Variants in TMEFF1 observed in about 807,000 individuals in gnomAD.
TMEFF1 encodes tomoregulin-1.
TMEFF1 carries 20 observed loss-of-function variants against 47.5 expected under a neutral mutation model. The observed-to-expected ratio is 0.42, with a 90% CI of 0.30 to 0.61. The LOEUF (loss-of-function observed/expected upper bound fraction) is 0.61. Among genes scored for constraint, TMEFF1 ranks in the 20% least tolerant of loss-of-function variants. The probability of loss-of-function intolerance (pLI) is 0.19; values close to 1 mark genes in which losing one functional copy is unlikely to be tolerated. For missense variants in TMEFF1, 411 were observed against 471.1 expected, an observed-to-expected ratio of 0.87 and a Z score of 1.18; for synonymous variants, 162 against 166.3, an observed-to-expected ratio of 0.97 and a Z score of 0.20.
chr9:100,490,753 G>A (rs888781535), intron 1 of TMEFF1, among the ~76,000 whole-genome samples: 9 of 151,540 alleles, frequency 5.9e-5, no homozygotes, highest in Non-Finnish European at 5.9e-5. Context: ...TTGAAAAGGG[G>A]AGAAATCACT....
intron 5 of TMEFF1, among the ~76,000 whole-genome samples, chr9:100,524,907 C>G (rs1375189124): frequency 1.3e-5 from 2 of 152,150 alleles, no homozygotes; most frequent in African/African-American, 2.4e-5. Context: ...CCACCCCTGG[C>G]AGGCCCCGGT....
intron 5 of TMEFF1, among the ~76,000 whole-genome samples, chr9:100,524,634 A>T (rs1056016430): frequency 6.6e-6 from 1 of 152,116 alleles, no homozygotes; most frequent in Admixed American, 6.5e-5. Flanking sequence ...GTTTACTTAT[A>T]ATCTCCCCAT....
chr9:100,543,703 A>AACT (rs1564023660), intron 5 of TMEFF1, among the ~76,000 whole-genome samples: 44 of 128,642 alleles, frequency 3.4e-4, no homozygotes, highest in African/African-American at 1.3e-3. Context: ...TGATGAAGTA[A>AACT]AACACACACA....
chr9:100,543,648 T>G (rs1838675061), intron 5 of TMEFF1, among the ~76,000 whole-genome samples: 2 of 151,294 alleles, frequency 1.3e-5, no homozygotes, highest in South Asian at 4.2e-4. Flanking sequence ...GGAAGAAGAA[T>G]AATTGTCTTG....
chr9:100,567,366 C>T (rs1179186534), intron 8 of TMEFF1, among the ~76,000 whole-genome samples: 1 of 152,190 alleles, frequency 6.6e-6, no homozygotes, highest in Non-Finnish European at 1.5e-5. Flanking sequence ...TGCAACCCTC[C>T]CTTCCTGCAA....
chr9:100,566,010 C>G (rs1236469407), intron 8 of TMEFF1, among the ~76,000 whole-genome samples: 1 of 152,206 alleles, frequency 6.6e-6, no homozygotes, highest in African/African-American at 2.4e-5. Flanking sequence ...GTGGTCAGTA[C>G]TTAGTCTCAA....
At chr9:100,478,504 A>G (rs1464706651) in intron 1 of TMEFF1, among the ~76,000 whole-genome samples, 1 of 150,682 alleles carries the variant, frequency 6.6e-6, no homozygotes, top group African/African-American at 2.5e-5. Flanking sequence ...TAGTAGAGAC[A>G]GGGCTTCGCC....
chr9:100,513,738 T>C (rs948779156), intron 4 of TMEFF1, among the ~76,000 whole-genome samples: 1 of 152,162 alleles, frequency 6.6e-6, no homozygotes, highest in African/African-American at 2.4e-5. Flanking sequence ...TGATTTTAGC[T>C]TGGACCAGAG....
chr9:100,572,232 T>C (rs868841303), intron 8 of TMEFF1, among the ~76,000 whole-genome samples: 2 of 152,124 alleles, frequency 1.3e-5, no homozygotes, highest in African/African-American at 4.8e-5. Flanking sequence ...TTCTTAGATA[T>C]GACACCAAAA....
At chr9:100,550,309 T>A in intron 7 of TMEFF1, 149 bp downstream of exon 7, 1 of 639,364 alleles carries the variant, frequency 1.6e-6, no homozygotes, top group Non-Finnish European at 2.4e-6. Flanking sequence ...GTATTAATAG[T>A]AACAGAAACA....
At chr9:100,518,125 G>T (rs1838104489) in intron 5 of TMEFF1, among the ~76,000 whole-genome samples, 1 of 152,072 alleles carries the variant, frequency 6.6e-6, no homozygotes, top group Non-Finnish European at 1.5e-5. Context: ...CTTTTGCTTA[G>T]AATTGAAACA....
chr9:100,530,241 A>T (rs1389829030), intron 5 of TMEFF1, among the ~76,000 whole-genome samples: 1 of 152,158 alleles, frequency 6.6e-6, no homozygotes, highest in Non-Finnish European at 1.5e-5. Context: ...AATAACTAAA[A>T]TCAGAGCAGA....
At chr9:100,507,927 TC>T (rs932036818) in intron 2 of TMEFF1, among the ~76,000 whole-genome samples, 1 of 152,212 alleles carries the variant, frequency 6.6e-6, no homozygotes. Flanking sequence ...AAAACTGTAT[TC>T]CTTTTTTTAG....
intron 1 of TMEFF1, among the ~76,000 whole-genome samples, chr9:100,479,133 T>C (rs2417179): frequency 0.1 from 15,627 of 152,258 alleles, 1,004 homozygotes; most frequent in Middle Eastern, 0.18. Flanking sequence ...GGCTTTTATC[T>C]TCTAGATCCC....
At position 100,473,824 on chromosome 9, in the gene TMEFF1, G is replaced by A; in HGVS notation, c.196+84G>A. ...TGGTCCCTGCGGTCGGCCGGGCTGG[G>A]AAAGACCCCGTCGTGGGGGTCCCAG... On this transcript the variant is annotated intron_variant, in intron 1 of 9. Coordinates refer to ENST00000374879, the MANE Select transcript of TMEFF1 (RefSeq NM_003692.5). The surrounding 1 kb of genome is among the most constrained non-coding windows in gnomAD (Gnocchi z 5.4). 7.3e-7 allele frequency: 1 copy of A among 1,370,158 alleles called. No individual in the cohort carries two copies. The highest frequency in any genetic ancestry group is 1.5e-5 in the African/African-American group (1 of 66,144). The allele number at this position is 1,370,158 out of a possible 1,614,324, so 84.9% of individuals were successfully genotyped here. A position where few individuals can be genotyped will look rare whatever the true frequency, so the allele number is the denominator to read the frequency against.
rs756513566 is a variant in TMEFF1, at chr9:100,572,621, A to G, written c.1003A>G (p.Ile335Val). Reference protein sequence around the residue: ...QKLTHVLIAAIIGAVQIAIIV... With the variant: ...QKLTHVLIAAVIGAVQIAIIV... ...GCTCACTCATGTTCTTATTGCAGCAATTATTGGAGCTGTACAGATTGCCAT... is the reference window on the plus strand; with the variant it reads ...GCTCACTCATGTTCTTATTGCAGCAGTTATTGGAGCTGTACAGATTGCCAT... The change falls in exon 9 of 10, where the codon ATT becomes GTT. Residue 335 changes from isoleucine to valine, a missense_variant. By Grantham distance (29) the Ile-to-Val change is conservative (BLOSUM62 3). Coordinates refer to ENST00000374879, the MANE Select transcript of TMEFF1 (RefSeq NM_003692.5). 3.7e-6 allele frequency: 6 copies of G among 1,613,496 alleles called. No homozygotes were observed. The South Asian group carries it at 4.4e-5, about 12-fold the overall frequency.
At chr9:100,540,469 C>A (rs898281508) in intron 5 of TMEFF1, among the ~76,000 whole-genome samples, 2 of 152,240 alleles carry the variant, frequency 1.3e-5, no homozygotes, top group African/African-American at 4.8e-5. Context: ...GCCCAGCAGG[C>A]ACCAGCCGGC....
rs935271399 is a variant in TMEFF1, at chr9:100,473,587, G to T, written c.43G>T (p.Ala15Ser). ...AAEAPLRLPA[A>S]PPLAFCCYTS... ...TGAGGCGCCGCTCCGGCTGCCTGCC[G>T]CGCCTCCGCTCGCCTTCTGCTGCTA... The change falls in exon 1 of 10, where the codon GCG (alanine) becomes TCG (serine). Residue 15 changes from alanine to serine, a missense_variant. Transcript: ENST00000374879. The surrounding 1 kb of genome is among the most constrained non-coding windows in gnomAD (Gnocchi z 5.4). 2 of 1,550,108 alleles carry T rather than the reference G, an allele frequency of 1.3e-6. No homozygotes were observed. Among genetic ancestry groups the T allele is most frequent in the Non-Finnish European group, 1.7e-6 (2 of 1,149,846 alleles).
At chr9:100,513,401 T>C (rs886238033) in intron 4 of TMEFF1, 68 bp downstream of exon 4, 11 of 1,505,450 alleles carry the variant, frequency 7.3e-6, no homozygotes, top group Middle Eastern at 2.5e-4. Context: ...TTCTTTTTTT[T>C]TTTTTTTTTA....
Sources: gnomAD v4.1 joint callset for allele counts (sites outside exome capture counted in the v4.1 genomes callset) on GRCh38, gnomAD v4.1.1 for gene constraint, Gnocchi (gnomAD v3.1) non-coding constraint, MANE v1.5 for transcripts, NCBI Gene and HGNC (gene_info 2026-07-23, HGNC 2026-07-21) for gene names.